Variants in MMP25 observed in about 807,000 individuals in gnomAD.
MMP25 encodes matrix metallopeptidase 25, also known as matrix metalloproteinase-25.
In MMP25, 68 loss-of-function variants were observed where a neutral mutation model predicts 62.1. The observed-to-expected ratio is 1.10, with a 90% confidence interval of 0.90 to 1.34. MMP25 has a LOEUF of 1.34. Among genes scored for constraint, MMP25 ranks in the 40% most tolerant of loss-of-function variants. MMP25 has a pLI of 0.00. For missense variants in MMP25, 942 were observed against 792.5 expected (o/e 1.19, Z -2.26); for synonymous variants, 407 against 345.6 (o/e 1.18, Z -1.97).
At position 3,050,052 on chromosome 16, in the gene MMP25, G is replaced by A. The variant is rs1349133342; in HGVS notation, c.276G>A (p.Leu92=). Residue 92 remains leucine (L), a synonymous_variant, in exon 3 of 10, where the codon CTG becomes CTA. Transcript: ENST00000336577. ...VATMRKPRCS[L]PDVLGVAGLV... is the part of the protein sequence containing the mutation. ...CCATGCGTAAGCCCCGCTGCTCCCT[G>A]CCTGACGTGCTGGGGGTGGCGGGGC... The A allele has an allele frequency of 1.2e-5, 19 of 1,610,962 alleles. No homozygotes were observed. Among genetic ancestry groups the A allele is most frequent in the Non-Finnish European group, 1.6e-5 (19 of 1,179,936 alleles).
In MMP25 at chr16:3,058,180, G is replaced by A. The variant is rs1956045969; in HGVS notation, c.1007-1G>A. 6.2e-7 allele frequency: 1 copy of A among 1,611,978 alleles called. No individual in the cohort carries two copies. Among genetic ancestry groups the A allele is most frequent in the Non-Finnish European group, 8.5e-7 (1 of 1,179,170 alleles). On this transcript the variant is annotated splice_acceptor_variant, in intron 7 of 9. Coordinates refer to ENST00000336577, the MANE Select transcript of MMP25 (RefSeq NM_022468.5). LOFTEE classifies it high-confidence loss of function. ...CCTGCGAACCCCTTTGTCCCCTGCA[G>A]GCCCCTGGTTCTGGCGCCTCCAGCC... is the stretch of plus-strand genomic sequence containing the variant.
chr16:3,049,658 C>T (rs556056245), intron 2 of MMP25, among the ~76,000 whole-genome samples: 1 of 152,306 alleles, frequency 6.6e-6, no homozygotes, highest in African/African-American at 2.4e-5. Context: ...GGGTTCCAGC[C>T]TCAAAGGGTC....
At position 3,057,351 on chromosome 16, in the gene MMP25, C is replaced by A. The variant is rs755580283; in HGVS notation, c.880C>A (p.Pro294Thr). Residue 294 changes from proline to threonine, a missense_variant, in exon 6 of 10, where the codon CCC becomes ACC. Pro to Thr is a conservative substitution (Grantham distance 38). Coordinates refer to ENST00000336577, the MANE Select transcript of MMP25 (RefSeq NM_022468.5). Reference protein sequence around the residue: ...QTPYDKPTRKPLAPPPQPPAS... With the variant: ...QTPYDKPTRKTLAPPPQPPAS... ...CCCATATGACAAGCCCACAAGGAAA[C>A]CCCTGGCTCCTCCGCCCCAGCCCCC... The A allele has an allele frequency of 3.7e-6, 6 of 1,613,708 alleles. No individual in the cohort carries two copies. Among genetic ancestry groups the A allele is most frequent in the African/African-American group, 2.7e-5 (2 of 74,886 alleles).
Position 3,058,416 on chromosome 16 carries a change from C to G in MMP25, c.1164C>G (p.Pro388=), listed in dbSNP as rs752900648. 1.3e-6 allele frequency: 2 copies of G among 1,557,590 alleles called. No individual in the cohort carries two copies. Among genetic ancestry groups the G allele is most frequent in the African/African-American group, 1.4e-5 (1 of 73,348 alleles). Reference sequence around the variant, plus strand: ...CTCCCGGCCTCCACCCTGCAGGGCCCCAGTTCTGGGTGTTCCAGGACCGGC... The same window carrying G: ...CTCCCGGCCTCCACCCTGCAGGGCCGCAGTTCTGGGTGTTCCAGGACCGGC... ...RDGRILLFSG[P]QFWVFQDRQL... The change falls in exon 9 of 10, where the codon CCC becomes CCG. Residue 388 remains proline, a synonymous_variant. Transcript: ENST00000336577.
At chr16:3,054,349 G>A (rs1201612699) in intron 4 of MMP25, 1 of 147,312 alleles carries the variant, frequency 6.8e-6, no homozygotes, top group Non-Finnish European at 1.5e-5. Context: ...CAGAGGTGGG[G>A]ATGGATGGAT....
rs2151166299 is a variant in MMP25, at chr16:3,059,050, C to G, written c.1641C>G (p.Ile547Met). ...CCGCAGGACGTTGGCCTGCTCCCATCCCGCTGCTCCTCTTGCCCCTGCTGG... is the reference window on the plus strand; with the variant it reads ...CCGCAGGACGTTGGCCTGCTCCCATGCCGCTGCTCCTCTTGCCCCTGCTGG... ...NQAAGRWPAP[I>M]PLLLLPLLVG... Residue 547 changes from isoleucine to methionine, a missense_variant, in exon 10 of 10, where the codon ATC becomes ATG. Transcript: ENST00000336577. 1.3e-6 allele frequency: 2 copies of G among 1,551,710 alleles called. No individual in the cohort carries two copies. Among genetic ancestry groups the G allele is most frequent in the East Asian group, 2.4e-5 (1 of 41,012 alleles).
chr16:3,051,385 T>G (rs894535370), intron 4 of MMP25: 2 of 152,144 alleles, frequency 1.3e-5, no homozygotes, highest in African/African-American at 4.8e-5. Flanking sequence ...AACCTTAGCT[T>G]TAGCTCTCAA....
chr16:3,054,499 C>T (rs1246045977), intron 4 of MMP25: 1 of 114,952 alleles, frequency 8.7e-6, no homozygotes, highest in East Asian at 2.9e-4. Context: ...GATGGATGGA[C>T]AGATGCATGC....
In MMP25 at chr16:3,046,877, C is replaced by T. The variant is rs1370255902; in HGVS notation, c.-41C>T. 4.8e-6 allele frequency: 6 copies of T among 1,239,508 alleles called. No individual in the cohort carries two copies. The highest frequency in any genetic ancestry group is 6.3e-6 in the Non-Finnish European group (6 of 950,986). The allele number at this position is 1,239,508 out of a possible 1,614,324, so 76.8% of individuals were successfully genotyped here. ...GGTCCCCGGGGCGGCCCCAGCCAGGCCCCCTTCGAACCCCGCCGGCGGCCC... is the reference window on the plus strand; with the variant it reads ...GGTCCCCGGGGCGGCCCCAGCCAGGTCCCCTTCGAACCCCGCCGGCGGCCC... On this transcript the variant is annotated 5_prime_UTR_variant, in exon 1 of 10. Coordinates refer to ENST00000336577, the MANE Select transcript of MMP25 (RefSeq NM_022468.5).
At chr16:3,054,203 GTCAGGGATGGATGAATGGACAGAT>G (rs1955957107) in intron 4 of MMP25, 1 of 151,790 alleles carries the variant, frequency 6.6e-6, no homozygotes. Context: ...CATGCACAGA[GTCAGGGATGGATGAATGGACAGAT>G]GCATGCACAG....
In MMP25 at chr16:3,058,540, C is replaced by T. The variant is rs980272155; in HGVS notation, c.1288C>T (p.Leu430=). 5.3e-5 allele frequency: 85 copies of T among 1,611,038 alleles called. No individual in the cohort carries two copies. Among genetic ancestry groups the T allele is most frequent in the Non-Finnish European group, 7.0e-5 (82 of 1,179,370 alleles). ...FSWPQNGKTY[L]VRGRQYWRYD... is the part of the protein sequence containing the mutation. ...GTGGCCACAGAACGGGAAGACCTAC[C>T]TGGTCCGCGGCCGGCAGTACTGGCG... The change falls in exon 9 of 10, where the codon CTG becomes TTG. Residue 430 remains leucine, a synonymous_variant. Transcript: ENST00000336577.
chr16:3,048,102 G>A (rs914609435), intron 2 of MMP25, among the ~76,000 whole-genome samples: 1 of 152,192 alleles, frequency 6.6e-6, no homozygotes. Flanking sequence ...GCCTCCCAAA[G>A]TCCTGGGATT....
chr16:3,058,632 G>GC lies in MMP25; in HGVS notation c.1386dup (p.Ser463LeufsTer3), dbSNP rs1328316597. 3.1e-6 allele frequency: 5 copies of GC among 1,605,352 alleles called. No homozygotes were observed. The highest frequency in any genetic ancestry group is 2.7e-5 in the African/African-American group (2 of 74,766). ...GCGACCTGAGCCTCTGGGAAGGCGC[G>GC]CCCCCCTCCCCTGACGATGTCACCG... is the stretch of plus-strand genomic sequence containing the variant. On this transcript the variant is annotated frameshift_variant, in exon 9 of 10. Transcript: ENST00000336577. LOFTEE classifies it high-confidence loss of function.
intron 1 of MMP25, 34 bp downstream of exon 1, chr16:3,047,050 C>T: frequency 7.1e-7 from 1 of 1,405,840 alleles, no homozygotes; most frequent in Non-Finnish European, 9.2e-7. Flanking sequence ...CTGGGGTCTG[C>T]AGAGAGATTG....
chr16:3,058,054 C>A, intron 7 of MMP25, 127 bp from the exon 8 acceptor site: 1 of 1,140,956 alleles, frequency 8.8e-7, no homozygotes, highest in Non-Finnish European at 1.2e-6. Flanking sequence ...CCAGGATGGG[C>A]TGGTCACCCT....
intron 4 of MMP25, chr16:3,051,750 G>C (rs1403403702): frequency 2.0e-5 from 3 of 152,208 alleles, no homozygotes; most frequent in Non-Finnish European, 4.4e-5. Flanking sequence ...CCTCAAGCCT[G>C]CAGGGGCTCA....
chr16:3,058,388 G>A, intron 8 of MMP25, 24 bp from the exon 9 acceptor site: 2 of 1,510,352 alleles, frequency 1.3e-6, no homozygotes, highest in Non-Finnish European at 1.8e-6. Context: ...GCCCACCCCT[G>A]ACCTCCCGGC....
Position 3,047,049 on chromosome 16 carries a change from G to A in MMP25, c.99+33G>A, listed in dbSNP as rs757499776. 5.7e-5 allele frequency: 80 copies of A among 1,406,594 alleles called. 1 individual carries two copies. In the South Asian group the frequency reaches 1.2e-3, roughly 20 times the overall value. 87.1% of individuals were successfully genotyped at this position (1,406,594 alleles called of 1,614,324 possible). On this transcript the variant is annotated intron_variant, in intron 1 of 9. Coordinates refer to ENST00000336577, the MANE Select transcript of MMP25 (RefSeq NM_022468.5). The stretch of plus-strand genomic sequence containing the variant: ...CGGGGTCCGCAGGCTCCTGGGGTCT[G>A]CAGAGAGATTGGGAGAGGGAAGCCG...
At position 3,057,822 on chromosome 16, in the gene MMP25, C is replaced by G. The variant is rs956117685; in HGVS notation, c.1006+209C>G. ...CAAGCGATCCTCCCACCTCAGCCTC[C>G]CTGGTAGCTGGGACCACAGGCACAT... On this transcript the variant is annotated intron_variant, in intron 7 of 9. Coordinates refer to ENST00000336577, the MANE Select transcript of MMP25 (RefSeq NM_022468.5). The G allele has an allele frequency of 9.9e-6, 6 of 605,420 alleles. No homozygotes were observed. The African/African-American group carries it at 1.1e-4, about 11-fold the overall frequency. 37.5% of individuals were successfully genotyped at this position (605,420 alleles called of 1,614,324 possible). A position where few individuals can be genotyped will look rare whatever the true frequency, so the allele number is the denominator to read the frequency against.
Sources: gnomAD v4.1 joint callset for allele counts (sites outside exome capture counted in the v4.1 genomes callset) on GRCh38, gnomAD v4.1.1 for gene constraint, MANE v1.5 for transcripts, NCBI Gene and HGNC (gene_info 2026-07-23, HGNC 2026-07-21) for gene names.